The following ERBB4 variants were observed in gnomAD, a reference collection of about 807,000 sequenced individuals.
The protein encoded by ERBB4 is receptor tyrosine-protein kinase erbB-4.
Under a neutral mutation model 158.0 loss-of-function variants are expected in ERBB4, and 42 were observed. That is an observed-to-expected ratio of 0.27 (90% CI 0.21 to 0.34). The LOEUF (loss-of-function observed/expected upper bound fraction) is 0.34. ERBB4 is among the 10% of genes least tolerant of loss of function. ERBB4 has a pLI of 1.00. For synonymous variants in ERBB4, 583 were observed against 558.7 expected (o/e 1.04, Z -0.61); for missense variants, 1,333 against 1,624.1 (o/e 0.82, Z 3.08).
intron 19 of ERBB4, among the ~76,000 whole-genome samples, chr2:211,603,011 T>G (rs2371306): frequency 0.9 from 137,294 of 152,070 alleles, 61,997 homozygotes; most frequent in Middle Eastern, 0.92. Flanking sequence ...GGCGGATCAC[T>G]AGGTCAAGAA....
At chr2:211,642,327 A>G (rs930991382) in intron 16 of ERBB4, among the ~76,000 whole-genome samples, 3 of 152,084 alleles carry the variant, frequency 2.0e-5, no homozygotes, top group Non-Finnish European at 4.4e-5. Flanking sequence ...TTTCATATAA[A>G]TGATCAGTTC....
intron 19 of ERBB4, among the ~76,000 whole-genome samples, chr2:211,580,310 A>G (rs1184994858): frequency 6.6e-6 from 1 of 152,182 alleles, no homozygotes; most frequent in Admixed American, 6.5e-5. Flanking sequence ...GAAAAAACAA[A>G]CAGCCCTATC....
chr2:211,593,503 A>G (rs2068538431), intron 19 of ERBB4, among the ~76,000 whole-genome samples: 1 of 152,194 alleles, frequency 6.6e-6, no homozygotes, highest in African/African-American at 2.4e-5. Context: ...TCTCTTTCAC[A>G]TCTCCCTGGA....
chr2:211,804,059 A>G (rs2076558717), intron 3 of ERBB4, among the ~76,000 whole-genome samples: 1 of 152,212 alleles, frequency 6.6e-6, no homozygotes, highest in Non-Finnish European at 1.5e-5. Flanking sequence ...TGTGCTGCAG[A>G]CATGTCACCC....
At chr2:212,327,492 T>G (rs999227435) in intron 1 of ERBB4, among the ~76,000 whole-genome samples, 6 of 151,852 alleles carry the variant, frequency 4.0e-5, no homozygotes, top group Non-Finnish European at 8.8e-5. Flanking sequence ...GAACCCAGAC[T>G]CAGTTAGTGC....
intron 3 of ERBB4, among the ~76,000 whole-genome samples, chr2:211,850,010 G>A (rs1195857438): frequency 2.6e-5 from 4 of 151,928 alleles, no homozygotes; most frequent in South Asian, 2.1e-4. Flanking sequence ...TTTTCAAGAC[G>A]CTGCCTGCAA....
In ERBB4 at chr2:212,069,311, T is replaced by TA. The variant is rs1209662561; in HGVS notation, c.234+55440dup. The stretch of plus-strand genomic sequence containing the variant: ...CAATGAATGTAATTCATCACATTAA[T>TA]AAAAAATCAATATGGTCATCTCAAT... On this transcript the variant is annotated intron_variant, in intron 2 of 27. Coordinates refer to ENST00000342788, the MANE Select transcript of ERBB4 (RefSeq NM_005235.3). Among the ~76,000 whole-genome samples, 7 of 152,060 alleles carry TA rather than the reference T, an allele frequency of 4.6e-5. No individual in the cohort carries two copies. In the East Asian group the frequency reaches 1.2e-3, roughly 25 times the overall value.
At chr2:212,265,960 C>A (rs1167621671) in intron 1 of ERBB4, among the ~76,000 whole-genome samples, 3 of 152,032 alleles carry the variant, frequency 2.0e-5, no homozygotes, top group African/African-American at 7.2e-5. Context: ...CAGAGAGCCA[C>A]CTCGCTAATC....
chr2:212,067,825 A>T (rs2077989061), intron 2 of ERBB4, among the ~76,000 whole-genome samples: 1 of 152,088 alleles, frequency 6.6e-6, no homozygotes, highest in Non-Finnish European at 1.5e-5. Context: ...CACAATAAGT[A>T]GTTCCTGCGG....
At chr2:211,409,070 G>C (rs1009186802) in intron 25 of ERBB4, among the ~76,000 whole-genome samples, 1 of 152,066 alleles carries the variant, frequency 6.6e-6, no homozygotes, top group Non-Finnish European at 1.5e-5. Context: ...GTAGAAGTCT[G>C]TACCATCTCT....
chr2:211,820,643 A>C (rs1011618760), intron 3 of ERBB4, among the ~76,000 whole-genome samples: 12 of 151,892 alleles, frequency 7.9e-5, no homozygotes, highest in African/African-American at 2.7e-4. Context: ...AGAAAACTTC[A>C]GGCCAATATC....
intron 1 of ERBB4, among the ~76,000 whole-genome samples, chr2:212,251,616 C>A (rs2084536261): frequency 1.3e-5 from 2 of 151,792 alleles, no homozygotes; most frequent in African/African-American, 4.8e-5. Flanking sequence ...AGACATATGA[C>A]AGAAAACTAT....
intron 4 of ERBB4, among the ~76,000 whole-genome samples, chr2:211,755,505 A>G (rs943884218): frequency 2.6e-5 from 4 of 152,200 alleles, no homozygotes; most frequent in African/African-American, 9.6e-5. Context: ...TGTCTCAAAA[A>G]ATAAAATAAA....
chr2:211,387,894 A>T, intron 26 of ERBB4, 51 bp downstream of exon 26: 1 of 1,372,892 alleles, frequency 7.3e-7, no homozygotes, highest in Non-Finnish European at 1.0e-6. Flanking sequence ...GAAACATGGT[A>T]AGCAAAGACC....
At chr2:212,111,034 G>A (rs2079389395) in intron 2 of ERBB4, among the ~76,000 whole-genome samples, 1 of 152,046 alleles carries the variant, frequency 6.6e-6, no homozygotes, top group East Asian at 1.9e-4. Context: ...TCCAATGAGG[G>A]GCTCTTCCTG....
intron 5 of ERBB4, among the ~76,000 whole-genome samples, chr2:211,744,897 T>C (rs1001996933): frequency 2.0e-5 from 3 of 152,256 alleles, no homozygotes; most frequent in Admixed American, 6.5e-5. Flanking sequence ...ATCATGAAGC[T>C]GAATACTTCC....
rs924548907 is a variant in ERBB4 at position 212,384,981 on chromosome 2, G to T, written c.82+153468C>A. ...CACATTATAACTACTACCCTACAAG[G>T]TGTTCCACAATATATTATTTTTAAA... On this transcript the variant is annotated intron_variant, in intron 1 of 27. Coordinates refer to ENST00000342788, the MANE Select transcript of ERBB4 (RefSeq NM_005235.3). Among the ~76,000 whole-genome samples, 140 of 147,684 alleles carry T rather than the reference G, an allele frequency of 9.5e-4. 1 individual carries two copies. The highest frequency in any genetic ancestry group is 2.7e-4 in the Non-Finnish European group (18 of 66,854).
chr2:211,861,346 T>TG (rs1553648587), intron 3 of ERBB4, among the ~76,000 whole-genome samples: 3 of 28,590 alleles, frequency 1.0e-4, no homozygotes, highest in Non-Finnish European at 2.4e-4. Context: ...TTTGTTTTTT[T>TG]TTTGTTTTTT....
chr2:211,808,369 T>G (rs2076668691), intron 3 of ERBB4, among the ~76,000 whole-genome samples: 1 of 152,196 alleles, frequency 6.6e-6, no homozygotes, highest in Non-Finnish European at 1.5e-5. Context: ...CCCAGCACCA[T>G]TTATTAAATA....
Sources: allele counts gnomAD v4.1 joint callset (sites outside exome capture counted in the v4.1 genomes callset), GRCh38; gene constraint gnomAD v4.1.1; transcripts MANE v1.5; gene names NCBI Gene and HGNC (gene_info 2026-07-23, HGNC 2026-07-21).